Variants in MAGI2 observed in about 807,000 individuals in gnomAD.
MAGI2 encodes membrane associated guanylate kinase, WW and PDZ domain containing 2.
Under a neutral mutation model 133.3 loss-of-function variants are expected in MAGI2, and 35 were observed. The ratio of observed to expected loss-of-function variants is 0.26; its 90% CI spans 0.20 to 0.35. The LOEUF (loss-of-function observed/expected upper bound fraction) is 0.35. Ranked by LOEUF, MAGI2 falls within the 10% of genes least tolerant of loss-of-function variation. The pLI is 1.00. For missense variants in MAGI2, 1,636 were observed against 1,863.4 expected (o/e 0.88, Z 2.25); for synonymous variants, 729 against 710.6 (o/e 1.03, Z -0.41).
chr7:78,497,112 T>G (rs1384262088), intron 5 of MAGI2, among the ~76,000 whole-genome samples: 2 of 152,208 alleles, frequency 1.3e-5, no homozygotes, highest in African/African-American at 4.8e-5. Context: ...AATTCACATA[T>G]TCTCATTTGA....
At chr7:78,193,085 T>C (rs939250558) in intron 12 of MAGI2, among the ~76,000 whole-genome samples, 4 of 152,104 alleles carry the variant, frequency 2.6e-5, no homozygotes, top group Non-Finnish European at 5.9e-5. Context: ...GATAAAGAAA[T>C]AATTGTTTTA....
At chr7:78,022,482 C>T (rs1353934787) in intron 21 of MAGI2, among the ~76,000 whole-genome samples, 1 of 152,176 alleles carries the variant, frequency 6.6e-6, no homozygotes, top group East Asian at 1.9e-4. Flanking sequence ...CTAACTTGAC[C>T]AAGATTACAA....
At chr7:78,606,626 G>A (rs186231937) in intron 3 of MAGI2, among the ~76,000 whole-genome samples, 1 of 151,624 alleles carries the variant, frequency 6.6e-6, no homozygotes, top group East Asian at 2.0e-4. Context: ...TGTCATGATG[G>A]TTTACCTCTG....
intron 1 of MAGI2, among the ~76,000 whole-genome samples, chr7:79,256,521 AT>A (rs1833697349): frequency 2.2e-5 from 2 of 89,038 alleles, no homozygotes; most frequent in African/African-American, 8.9e-5. Context: ...ACAGAGTCTT[AT>A]ACTGTCACCC....
At chr7:78,655,454 CAAAAAAAA>C in intron 2 of MAGI2, among the ~76,000 whole-genome samples, 4 of 64,950 alleles carry the variant, frequency 6.2e-5, no homozygotes, top group Admixed American at 1.9e-4. Flanking sequence ...AAAAAACAAC[CAAAAAAAA>C]AAAAAAAAAA....
chr7:79,046,481 G>A (rs999160576), intron 1 of MAGI2, among the ~76,000 whole-genome samples: 1 of 152,190 alleles, frequency 6.6e-6, no homozygotes. Context: ...CCAGTTTGGC[G>A]CTTTGTTGTG....
chr7:78,324,763 C>T (rs1321502880), intron 9 of MAGI2, among the ~76,000 whole-genome samples: 8 of 152,100 alleles, frequency 5.3e-5, no homozygotes, highest in Non-Finnish European at 1.5e-5. Context: ...GAGTTCGAGA[C>T]CAGCCTGGCC....
intron 6 of MAGI2, among the ~76,000 whole-genome samples, chr7:78,397,779 T>C (rs962227934): frequency 2.6e-5 from 4 of 152,092 alleles, no homozygotes; most frequent in Admixed American, 2.6e-4. Flanking sequence ...CCAACAATAC[T>C]CACATATCTA....
intron 9 of MAGI2, among the ~76,000 whole-genome samples, chr7:78,273,997 C>T (rs964148092): frequency 6.6e-5 from 10 of 152,170 alleles, no homozygotes; most frequent in African/African-American, 2.4e-4. Context: ...AGTTGTGATC[C>T]TTTGGAGGAG....
intron 1 of MAGI2, among the ~76,000 whole-genome samples, chr7:79,314,125 C>A (rs1367648055): frequency 2.0e-5 from 3 of 152,184 alleles, no homozygotes; most frequent in African/African-American, 4.8e-5. Flanking sequence ...AGGTGCCCAC[C>A]ACCATGCCCA....
chr7:78,110,515 C>T (rs1332613403), intron 20 of MAGI2, among the ~76,000 whole-genome samples: 1 of 152,190 alleles, frequency 6.6e-6, no homozygotes, highest in African/African-American at 2.4e-5. Flanking sequence ...CCTACCTCTT[C>T]CCCGCACCAT....
intron 1 of MAGI2, 72 bp downstream of exon 1, chr7:79,452,948 C>T (rs1849392685): frequency 6.8e-7 from 1 of 1,463,730 alleles, no homozygotes; most frequent in Non-Finnish European, 9.1e-7. Context: ...CATGCGCGGC[C>T]ACCCTTTCAT....
At chr7:79,015,257 T>A (rs372114513) in intron 1 of MAGI2, among the ~76,000 whole-genome samples, 23 of 152,070 alleles carry the variant, frequency 1.5e-4, no homozygotes, top group African/African-American at 5.1e-4. Context: ...GAGTTCCAGG[T>A]CAGCCTGGGC....
chr7:79,395,854 T>G (rs1845009424), intron 1 of MAGI2, among the ~76,000 whole-genome samples: 1 of 152,148 alleles, frequency 6.6e-6, no homozygotes, highest in Non-Finnish European at 1.5e-5. Flanking sequence ...CCATTCAATG[T>G]AAGGAGAATG....
chr7:79,058,161 G>A (rs1317126902), intron 1 of MAGI2, among the ~76,000 whole-genome samples: 4 of 152,000 alleles, frequency 2.6e-5, no homozygotes, highest in Non-Finnish European at 5.9e-5. Context: ...CAGGGAAAAT[G>A]CGATGGGATA....
chr7:78,324,170 C>CACACTACACT (rs71085522), intron 9 of MAGI2, among the ~76,000 whole-genome samples: 17,187 of 126,978 alleles, frequency 0.14, 1,234 homozygotes, highest in Non-Finnish European at 0.16. Context: ...CACTACACTA[C>CACACTACACT]ACACTACACT....
At chr7:79,181,216 T>C (rs1826591578) in intron 1 of MAGI2, among the ~76,000 whole-genome samples, 1 of 151,994 alleles carries the variant, frequency 6.6e-6, no homozygotes, top group Non-Finnish European at 1.5e-5. Context: ...TGACCCCACA[T>C]TTCCCTTCTG....
At chr7:78,280,365 A>G (rs1027250291) in intron 9 of MAGI2, among the ~76,000 whole-genome samples, 17 of 152,154 alleles carry the variant, frequency 1.1e-4, no homozygotes, top group Non-Finnish European at 1.0e-4. Flanking sequence ...AGTTAAAGCC[A>G]GGAAAGGACA....
chr7:79,449,877 C>CATATATATATAT (rs59881896), intron 1 of MAGI2, among the ~76,000 whole-genome samples: 1,266 of 120,578 alleles, frequency 0.01, 11 homozygotes, highest in East Asian at 0.018. Flanking sequence ...GAGATATATA[C>CATATATATATAT]ATATATATAT....
Sources: gnomAD v4.1 joint callset for allele counts (sites outside exome capture counted in the v4.1 genomes callset) on GRCh38, gnomAD v4.1.1 for gene constraint, MANE v1.5 for transcripts, NCBI Gene and HGNC (gene_info 2026-07-23, HGNC 2026-07-21) for gene names.